MSI1: variants seen among roughly 807,000 people sequenced by gnomAD.
The protein encoded by MSI1 is RNA-binding protein Musashi homolog 1.
Under a neutral mutation model 54.4 loss-of-function variants are expected in MSI1, and 15 were observed. The ratio of observed to expected loss-of-function variants is 0.28; its 90% CI spans 0.18 to 0.42. The LOEUF is 0.42. MSI1 is among the 20% of genes least tolerant of loss of function. The pLI, the probability that MSI1 is intolerant of heterozygous loss-of-function variation, is 1.00. For synonymous variants in MSI1, 200 were observed against 196.5 expected (o/e 1.02, Z -0.15); for missense variants, 304 against 506.0 (o/e 0.60, Z 3.83).
intron 10 of MSI1, 81 bp from the exon 11 acceptor site, chr12:120,351,481 A>T: frequency 3.1e-6 from 4 of 1,279,828 alleles, no homozygotes; most frequent in African/African-American, 1.5e-5. Context: ...ATGCACCCAC[A>T]GGGACACTGG....
At chr12:120,359,387 G>A (rs191370643) in intron 6 of MSI1, among the ~76,000 whole-genome samples, 13 of 152,280 alleles carry the variant, frequency 8.5e-5, no homozygotes, top group African/African-American at 2.9e-4. Flanking sequence ...ACCAAACTGG[G>A]GAGGCACAGA....
At chr12:120,349,722 C>G (rs1474390653) in intron 11 of MSI1, among the ~76,000 whole-genome samples, 1 of 152,212 alleles carries the variant, frequency 6.6e-6, no homozygotes, top group Non-Finnish European at 1.5e-5. Context: ...AGTTCAGATC[C>G]TAGGTGCCCA....
chr12:120,366,962 C>T (rs1876055141), intron 4 of MSI1, among the ~76,000 whole-genome samples: 1 of 152,210 alleles, frequency 6.6e-6, no homozygotes, highest in Non-Finnish European at 1.5e-5. Flanking sequence ...AGGCCACTGT[C>T]TCTCCATTTC....
intron 9 of MSI1, among the ~76,000 whole-genome samples, chr12:120,353,990 T>C (rs1394587953): frequency 6.6e-6 from 1 of 152,122 alleles, no homozygotes; most frequent in Non-Finnish European, 1.5e-5. Flanking sequence ...TTTTTTCTTT[T>C]TTCTTTTTTA....
intron 13 of MSI1, 121 bp from the exon 14 acceptor site, chr12:120,345,753 C>T (rs1233234819): frequency 1.6e-6 from 2 of 1,230,258 alleles, no homozygotes; most frequent in Non-Finnish European, 2.4e-6. Context: ...TCCGGATCGC[C>T]CCCCTACTGC....
chr12:120,344,540 C>CA (rs1004624452), intron 14 of MSI1, among the ~76,000 whole-genome samples: 2 of 151,572 alleles, frequency 1.3e-5, no homozygotes, highest in African/African-American at 4.9e-5. Context: ...CCCATCTCTA[C>CA]AAAAAAATTT....
intron 11 of MSI1, 128 bp downstream of exon 11, chr12:120,351,216 T>C: frequency 1.1e-6 from 1 of 917,974 alleles, no homozygotes; most frequent in Admixed American, 2.0e-5. Flanking sequence ...CAGTCTGCTG[T>C]GTCCCCACAG....
Position 120,369,148 on chromosome 12 carries a change from C to T in MSI1, c.-57G>A, listed in dbSNP as rs1592954071. The T allele has an allele frequency of 4.0e-6, 4 of 998,650 alleles. No homozygotes were observed. The highest frequency in any genetic ancestry group is 2.2e-4 in the East Asian group (2 of 9,300). The allele number at this position is 998,650 out of a possible 1,614,324, so 61.9% of individuals were successfully genotyped here. On this transcript the variant is annotated 5_prime_UTR_variant, in exon 1 of 15. Coordinates refer to ENST00000257552, the MANE Select transcript of MSI1 (RefSeq NM_002442.4). Reference sequence around the variant, plus strand: ...GGCGGCGGCGGCGGCGGCGGCGGCGCTCGGCGCGGGGCAGATGAGGAGCGC... The same window carrying T: ...GGCGGCGGCGGCGGCGGCGGCGGCGTTCGGCGCGGGGCAGATGAGGAGCGC...
At position 120,368,888 on chromosome 12, in the gene MSI1, G is replaced by A; in HGVS notation, c.60-15C>T. The A allele has an allele frequency of 6.9e-7, 1 of 1,451,980 alleles. No individual in the cohort carries two copies. The allele number at this position is 1,451,980 out of a possible 1,614,324, so 89.9% of individuals were successfully genotyped here. A position where few individuals can be genotyped will look rare whatever the true frequency, so the allele number is the denominator to read the frequency against. Reference sequence around the variant, plus strand: ...TGAACATCTTGCTGCGGGAGGAGGAGAGACACAAAGGGCCCGCGTGAGCGC... The same window carrying A: ...TGAACATCTTGCTGCGGGAGGAGGAAAGACACAAAGGGCCCGCGTGAGCGC... On this transcript the variant is annotated splice_polypyrimidine_tract_variant and intron_variant, in intron 1 of 14. Coordinates refer to ENST00000257552, the MANE Select transcript of MSI1 (RefSeq NM_002442.4). This position sits in a 1 kb window ranked among gnomAD's most constrained non-coding sequence, Gnocchi z 6.6.
intron 12 of MSI1, among the ~76,000 whole-genome samples, chr12:120,346,849 C>T (rs1437701171): frequency 1.3e-5 from 2 of 152,228 alleles, no homozygotes; most frequent in Non-Finnish European, 2.9e-5. Context: ...ACTGGACTCC[C>T]CCTAGTGCAG....
chr12:120,360,975 A>G (rs950576770), intron 6 of MSI1, among the ~76,000 whole-genome samples: 2 of 152,176 alleles, frequency 1.3e-5, no homozygotes, highest in Admixed American at 6.5e-5. Flanking sequence ...TTAGTGAGAT[A>G]GTGCATGTAA....
intron 8 of MSI1, among the ~76,000 whole-genome samples, 170 bp downstream of exon 8, chr12:120,357,646 C>G (rs1053435151): frequency 6.6e-6 from 1 of 152,182 alleles, no homozygotes; most frequent in Non-Finnish European, 1.5e-5. Context: ...GCTGGGATTA[C>G]AGGCACGCAC....
intron 10 of MSI1, among the ~76,000 whole-genome samples, chr12:120,352,745 G>A (rs989882482): frequency 1.3e-5 from 2 of 152,152 alleles, no homozygotes; most frequent in African/African-American, 4.8e-5. Context: ...GCATTGAATA[G>A]TCATCATGGG....
In MSI1 at chr12:120,363,030, A is replaced by G. The variant is rs1436571483; in HGVS notation, c.402+13T>C. On this transcript the variant is annotated intron_variant, in intron 6 of 14. Coordinates refer to ENST00000257552, the MANE Select transcript of MSI1 (RefSeq NM_002442.4). ...CACAGCCCCAGCAGCAAGCGCCCCC[A>G]GTTTAAACCCACCTTCCCAAACTGC... is the stretch of plus-strand genomic sequence containing the variant. 6.2e-7 allele frequency: 1 copy of G among 1,611,446 alleles called. No individual in the cohort carries two copies. Among genetic ancestry groups the G allele is most frequent in the African/African-American group, 1.3e-5 (1 of 74,906 alleles).
At chr12:120,356,650 G>C (rs942220556) in intron 9 of MSI1, among the ~76,000 whole-genome samples, 3 of 152,198 alleles carry the variant, frequency 2.0e-5, no homozygotes, top group South Asian at 4.1e-4. Flanking sequence ...CGAGAGAATG[G>C]ACAGATTGAC....
chr12:120,368,176 G>A lies in MSI1; in HGVS notation c.182+16C>T. On this transcript the variant is annotated intron_variant, in intron 3 of 14. Transcript: ENST00000257552. The surrounding 1 kb of genome is among the most constrained non-coding windows in gnomAD (Gnocchi z 6.6). ...GGGGGCGAGCCGGGAGCAGGAGGAG[G>A]GGGTGAGGGGCTCACCTGGATCTCT... The A allele has an allele frequency of 1.3e-6, 2 of 1,579,794 alleles. No individual in the cohort carries two copies. Among genetic ancestry groups the A allele is most frequent in the Non-Finnish European group, 1.7e-6 (2 of 1,161,892 alleles).
At position 120,368,769 on chromosome 12, in the gene MSI1, G is replaced by A; in HGVS notation, c.100+64C>T. 1 of 1,340,940 alleles carries A rather than the reference G, an allele frequency of 7.5e-7. No homozygotes were observed. The highest frequency in any genetic ancestry group is 9.7e-7 in the Non-Finnish European group (1 of 1,028,096). The allele number at this position is 1,340,940 out of a possible 1,614,324, so 83.1% of individuals were successfully genotyped here. ...CGCAGGGCCGGGCTGGGGTGTCCGG[G>A]TCCGGGGCGCCGGGGGGTCCGGGGT... On this transcript the variant is annotated intron_variant, in intron 2 of 14. Coordinates refer to ENST00000257552, the MANE Select transcript of MSI1 (RefSeq NM_002442.4). This position sits in a 1 kb window ranked among gnomAD's most constrained non-coding sequence, Gnocchi z 6.6.
At chr12:120,346,098 G>A in intron 13 of MSI1, 37 bp downstream of exon 13, 1 of 1,482,588 alleles carries the variant, frequency 6.7e-7, no homozygotes, top group Non-Finnish European at 9.0e-7. Flanking sequence ...TCAAGGTGTG[G>A]GGGGTGAGGT....
In MSI1 at chr12:120,341,423, G is replaced by GT; in HGVS notation, c.*1703dup. 1 of 152,242 alleles carries GT rather than the reference G, an allele frequency of 6.6e-6. No homozygotes were observed. Among genetic ancestry groups the GT allele is most frequent in the South Asian group, 2.1e-4 (1 of 4,806 alleles). 9.4% of individuals were successfully genotyped at this position (152,242 alleles called of 1,614,324 possible). ...TGGAGAGAAGAGACACCGGAGGATG[G>GT]TAACTTGCTGGCTTCGAAACACCAT... On this transcript the variant is annotated 3_prime_UTR_variant, in exon 15 of 15. Transcript: ENST00000257552.
Sources: gnomAD v4.1 joint callset for allele counts (sites outside exome capture counted in the v4.1 genomes callset) on GRCh38, gnomAD v4.1.1 for gene constraint, Gnocchi (gnomAD v3.1) non-coding constraint, MANE v1.5 for transcripts, NCBI Gene and HGNC (gene_info 2026-07-23, HGNC 2026-07-21) for gene names.